AMZ2: variants seen among roughly 807,000 people sequenced by gnomAD.
The protein encoded by AMZ2 is archaemetzincin-2.
A neutral mutation model predicts 36.7 loss-of-function variants in AMZ2; 26 were observed. The ratio of observed to expected loss-of-function variants is 0.71; its 90% CI spans 0.52 to 0.98. The LOEUF (loss-of-function observed/expected upper bound fraction) is 0.98. AMZ2 is among the 50% of genes least tolerant of loss of function. AMZ2 has a pLI of 0.00. For synonymous variants in AMZ2, 144 were observed against 149.1 expected, an observed-to-expected ratio of 0.97 and a Z score of 0.25; for missense variants, 394 against 430.5, an observed-to-expected ratio of 0.92 and a Z score of 0.75.
chr17:68,253,077 G>C (rs182942717), intron 4 of AMZ2, among the ~76,000 whole-genome samples: 1 of 152,158 alleles, frequency 6.6e-6, no homozygotes, highest in Non-Finnish European at 1.5e-5. Context: ...AAAGTGAGAC[G>C]CATTGACTAC....
intron 1 of AMZ2, among the ~76,000 whole-genome samples, chr17:68,231,921 C>G (rs191318168): frequency 6.6e-6 from 1 of 152,112 alleles, no homozygotes; most frequent in East Asian, 1.9e-4. Flanking sequence ...CATGCTTATA[C>G]TAAAAAATCA....
chr17:68,250,370 C>T lies in AMZ2; in HGVS notation c.183C>T (p.Thr61=). ...TGCATTCTCCATCAGATTGGATCAC[C>T]TCCCACCCTGAGGCTCCCCAAGACT... ...ITLHSPSDWI[T]SHPEAPQDFE... The change falls in exon 2 of 7, where the codon ACC becomes ACT. Residue 61 remains threonine, a synonymous_variant. Transcript: ENST00000359904. The T allele has an allele frequency of 6.2e-7, 1 of 1,614,182 alleles. No individual in the cohort carries two copies. Among genetic ancestry groups the T allele is most frequent in the African/African-American group, 1.3e-5 (1 of 75,028 alleles).
In AMZ2 at chr17:68,211,700, GTATATATGTATATGTA is replaced by G. The variant is rs1212934178; in HGVS notation, c.-67+5484_-67+5499del. ...AAAACATATGTATATGTATATATAT[GTATATATGTATATGTA>G]TATATATGTATATGTATATATGTGT... On this transcript the variant is annotated intron_variant, in intron 1 of 7. Transcript: ENST00000674770. Among the ~76,000 whole-genome samples the G allele has an allele frequency of 1.8e-3, 235 of 129,048 alleles. 42 individuals are homozygous for G. The Middle Eastern group carries it at 0.023, about 12-fold the overall frequency. 84.7% of individuals were successfully genotyped at this position (129,048 alleles called of 152,430 possible).
chr17:68,237,755 C>T (rs567383346), intron 1 of AMZ2, among the ~76,000 whole-genome samples: 6 of 152,214 alleles, frequency 3.9e-5, no homozygotes, highest in Non-Finnish European at 8.8e-5. Context: ...TTTCCTGGCT[C>T]AGTCCAATCA....
chr17:68,231,219 A>G (rs1391821416), intron 1 of AMZ2, among the ~76,000 whole-genome samples: 17 of 151,828 alleles, frequency 1.1e-4, no homozygotes, highest in Non-Finnish European at 2.1e-4. Context: ...ATGTGCCACC[A>G]CGCTCGGCTA....
chr17:68,244,116 T>C (rs1347996130), upstream of AMZ2, among the ~76,000 whole-genome samples: 3 of 152,172 alleles, frequency 2.0e-5, no homozygotes, highest in African/African-American at 7.2e-5. Flanking sequence ...AAGGACATCA[T>C]ACATATGGAA....
intron 4 of AMZ2, among the ~76,000 whole-genome samples, chr17:68,252,478 G>C (rs1196246906): frequency 6.6e-6 from 1 of 152,056 alleles, no homozygotes; most frequent in Admixed American, 6.5e-5. Flanking sequence ...TGATAGAGAT[G>C]GAAACATTGA....
At chr17:68,224,232 T>G (rs531553867) in intron 1 of AMZ2, among the ~76,000 whole-genome samples, 1 of 152,350 alleles carries the variant, frequency 6.6e-6, no homozygotes, top group African/African-American at 2.4e-5. Context: ...CGTGAGCCAC[T>G]GTGCCCGCTA....
At chr17:68,255,638 GAA>G in intron 5 of AMZ2, 60 bp from the exon 6 acceptor site, 1 of 1,519,220 alleles carries the variant, frequency 6.6e-7, no homozygotes, top group Non-Finnish European at 8.9e-7. Flanking sequence ...GCAAGAAAAA[GAA>G]GAGACGTGTA....
At chr17:68,217,540 C>G (rs1555727586) in intron 1 of AMZ2, among the ~76,000 whole-genome samples, 1 of 152,126 alleles carries the variant, frequency 6.6e-6, no homozygotes, top group African/African-American at 2.4e-5. Flanking sequence ...TCTGTGTCAA[C>G]AATTTTGACA....
intron 1 of AMZ2, among the ~76,000 whole-genome samples, chr17:68,232,171 C>T (rs1278714758): frequency 1.4e-5 from 2 of 146,950 alleles, no homozygotes; most frequent in Non-Finnish European, 3.0e-5. Flanking sequence ...CTTCTAACCT[C>T]TTGTAAGGTA....
rs1242352315 is a variant in AMZ2, at chr17:68,235,009, C to G, written c.-66-13631C>G. 6.6e-6 allele frequency among the ~76,000 whole-genome samples: 1 copy of G among 151,956 alleles called. No homozygotes were observed. Among genetic ancestry groups the G allele is most frequent in the African/African-American group, 2.4e-5 (1 of 41,348 alleles). On this transcript the variant is annotated intron_variant, in intron 1 of 7. Transcript: ENST00000674770. This position sits in a 1 kb window ranked among gnomAD's most constrained non-coding sequence, Gnocchi z 4.2. The stretch of plus-strand genomic sequence containing the variant: ...CAGCCTGGGCAACAAAAGCAAAACT[C>G]CAATCTTAAAAAAAAGAAAAAAGAT...
rs1555732225 is a variant in AMZ2, at chr17:68,235,249, C to G, written c.-66-13391C>G. Among the ~76,000 whole-genome samples, 1 of 152,208 alleles carries G rather than the reference C, an allele frequency of 6.6e-6. No individual in the cohort carries two copies. The highest frequency in any genetic ancestry group is 2.4e-5 in the African/African-American group (1 of 41,440). ...AAAAACAACTTGTTAAATGTCAGGG[C>G]TTTGTGTTTTTGCCTTTGGGCTTTT... On this transcript the variant is annotated intron_variant, in intron 1 of 7. Coordinates refer to the AMZ2 transcript ENST00000674770. This position sits in a 1 kb window ranked among gnomAD's most constrained non-coding sequence, Gnocchi z 4.2.
intron 1 of AMZ2, among the ~76,000 whole-genome samples, chr17:68,216,151 T>C (rs1230778424): frequency 1.3e-5 from 2 of 152,182 alleles, no homozygotes; most frequent in Non-Finnish European, 2.9e-5. Context: ...TTAATCACTT[T>C]TGGAGACAGG....
Position 68,248,276 on chromosome 17 carries a change from G to C in AMZ2, c.-430G>C. The C allele has an allele frequency of 1.0e-6, 1 of 985,846 alleles. No individual in the cohort carries two copies. Among genetic ancestry groups the C allele is most frequent in the Non-Finnish European group, 1.2e-6 (1 of 830,064 alleles). The allele number at this position is 985,846 out of a possible 1,614,324, so 61.1% of individuals were successfully genotyped here. ...TCCGCGGGGTCGGTGCCTCTAGGGA[G>C]CCAGGGAGGCCTTTCCCGAGGCTCC... On this transcript the variant is annotated 5_prime_UTR_variant, in exon 1 of 7. Transcript: ENST00000359904.
In AMZ2 at chr17:68,254,568, G is replaced by T. The variant is rs782621975; in HGVS notation, c.750+1G>T. On this transcript the variant is annotated splice_donor_variant, in intron 5 of 6. Transcript: ENST00000359904. LOFTEE classifies it high-confidence loss of function. ...TGTTTTACTACTTCGATCCTGTAAG[G>T]TAAGTTATTACAAAAATCTGACAGG... is the stretch of plus-strand genomic sequence containing the variant. 1.2e-6 allele frequency: 2 copies of T among 1,607,182 alleles called. No individual in the cohort carries two copies. The highest frequency in any genetic ancestry group is 2.7e-5 in the African/African-American group (2 of 74,508).
intron 1 of AMZ2, among the ~76,000 whole-genome samples, chr17:68,209,624 A>ATTTTT (rs1453518334): frequency 1.1e-5 from 1 of 93,476 alleles, no homozygotes; most frequent in African/African-American, 5.3e-5. Context: ...ATATATATAT[A>ATTTTT]TATATATATT....
intron 1 of AMZ2, among the ~76,000 whole-genome samples, chr17:68,209,583 T>G (rs9909898): frequency 0.084 from 9,262 of 110,348 alleles, 727 homozygotes; most frequent in African/African-American, 0.22. Context: ...TAATTGTGGG[T>G]GTGTGTGTGT....
At chr17:68,212,065 G>T (rs1298364723) in intron 1 of AMZ2, among the ~76,000 whole-genome samples, 1 of 151,650 alleles carries the variant, frequency 6.6e-6, no homozygotes, top group Non-Finnish European at 1.5e-5. Flanking sequence ...ATTTTCTTTT[G>T]ATTTTAAAAC....
Sources: allele counts gnomAD v4.1 joint callset (sites outside exome capture counted in the v4.1 genomes callset), GRCh38; gene constraint gnomAD v4.1.1; non-coding constraint Gnocchi (gnomAD v3.1); transcripts MANE v1.5; gene names NCBI Gene and HGNC (gene_info 2026-07-23, HGNC 2026-07-21).